The following BMP7 variants were observed in gnomAD, a reference collection of about 807,000 sequenced individuals.
BMP7 encodes the protein osteogenic protein 1.
A neutral mutation model predicts 41.2 loss-of-function variants in BMP7; 12 were observed. That is an observed-to-expected ratio of 0.29 (90% CI 0.19 to 0.47). The LOEUF (loss-of-function observed/expected upper bound fraction) is 0.47, where lower values mean the gene tolerates loss of function less well. Ranked by LOEUF, BMP7 falls within the 20% of genes least tolerant of loss-of-function variation. The pLI, the probability that BMP7 is intolerant of heterozygous loss-of-function variation, is 0.99. For synonymous variants in BMP7, 248 were observed against 250.0 expected (o/e 0.99, Z 0.07); for missense variants, 467 against 606.0 (o/e 0.77, Z 2.41).
intron 1 of BMP7, among the ~76,000 whole-genome samples, chr20:57,236,428 G>A (rs931269912): frequency 6.6e-6 from 1 of 152,220 alleles, no homozygotes; most frequent in African/African-American, 2.4e-5. Flanking sequence ...TGGAAAAAGA[G>A]GTTTAGATAA....
intron 5 of BMP7, 197 bp from the exon 6 acceptor site, chr20:57,173,507 G>A: frequency 1.5e-6 from 1 of 657,414 alleles, no homozygotes; most frequent in East Asian, 2.7e-5. Flanking sequence ...AGAATGGAAA[G>A]AAGGACCACT....
At chr20:57,229,483 G>A (rs1433313536) in intron 1 of BMP7, among the ~76,000 whole-genome samples, 1 of 152,192 alleles carries the variant, frequency 6.6e-6, no homozygotes, top group African/African-American at 2.4e-5. Context: ...GCCCAGGAAT[G>A]GTGTTTCTGG....
chr20:57,181,462 C>T (rs1214624533), intron 4 of BMP7, among the ~76,000 whole-genome samples: 1 of 146,874 alleles, frequency 6.8e-6, no homozygotes, highest in South Asian at 2.1e-4. Flanking sequence ...CACCACTGCA[C>T]GCCAGCCTGG....
At position 57,212,808 on chromosome 20, in the gene BMP7, C is replaced by G. The variant is rs930052802; in HGVS notation, c.612-10185G>C. 1.2e-4 allele frequency among the ~76,000 whole-genome samples: 18 copies of G among 152,314 alleles called. 1 individual carries two copies. The highest frequency in any genetic ancestry group is 7.8e-4 in the Admixed American group (12 of 15,310). Reference sequence around the variant, plus strand: ...AGCCCAGAAGGAAGCCGGCCCCACCCTGGCAGCCAGCTCCCGGGTCCAAGG... The same window carrying G: ...AGCCCAGAAGGAAGCCGGCCCCACCGTGGCAGCCAGCTCCCGGGTCCAAGG... On this transcript the variant is annotated intron_variant, in intron 2 of 6. Coordinates refer to ENST00000395863, the MANE Select transcript of BMP7 (RefSeq NM_001719.3).
At chr20:57,197,418 C>T (rs1984518209) in intron 3 of BMP7, among the ~76,000 whole-genome samples, 1 of 152,252 alleles carries the variant, frequency 6.6e-6, no homozygotes. Context: ...CAGGCTGGGT[C>T]CCCTGCAGGG....
intron 1 of BMP7, among the ~76,000 whole-genome samples, chr20:57,255,939 C>A (rs1210035611): frequency 6.6e-6 from 1 of 152,018 alleles, no homozygotes; most frequent in Non-Finnish European, 1.5e-5. Flanking sequence ...GAAACACCAG[C>A]AGTCACCTCA....
intron 4 of BMP7, among the ~76,000 whole-genome samples, chr20:57,175,574 C>T (rs954489430): frequency 6.6e-6 from 1 of 152,182 alleles, no homozygotes; most frequent in Admixed American, 6.5e-5. Flanking sequence ...CCCGAGGTTT[C>T]TTTGAGTAGT....
chr20:57,201,405 T>A (rs928976455), intron 3 of BMP7, among the ~76,000 whole-genome samples: 8 of 151,820 alleles, frequency 5.3e-5, no homozygotes, highest in Non-Finnish European at 2.9e-5. Flanking sequence ...CCGAGATAAG[T>A]CAGCTGGAGA....
intron 2 of BMP7, among the ~76,000 whole-genome samples, chr20:57,217,587 T>C (rs1349075333): frequency 4.6e-5 from 7 of 152,134 alleles, no homozygotes; most frequent in Non-Finnish European, 1.0e-4. Flanking sequence ...GGGGCTGAGA[T>C]AGACGGAGCG....
intron 2 of BMP7, among the ~76,000 whole-genome samples, chr20:57,217,289 G>T (rs1025696579): frequency 6.6e-6 from 1 of 152,176 alleles, no homozygotes; most frequent in African/African-American, 2.4e-5. Context: ...TGCTATTGAG[G>T]ACACCTCAAG....
At chr20:57,176,717 T>G (rs1983929330) in intron 4 of BMP7, among the ~76,000 whole-genome samples, 1 of 148,304 alleles carries the variant, frequency 6.7e-6, no homozygotes, top group African/African-American at 2.5e-5. Flanking sequence ...AGCCCACTTG[T>G]TAGGGAAATT....
chr20:57,246,700 G>T (rs528777960), intron 1 of BMP7, among the ~76,000 whole-genome samples: 49 of 152,098 alleles, frequency 3.2e-4, no homozygotes, highest in Non-Finnish European at 6.2e-4. Context: ...ATTAACTAAA[G>T]AGGACAGGCT....
intron 1 of BMP7, chr20:57,244,131 T>G (rs958413181): frequency 6.6e-6 from 1 of 152,232 alleles, no homozygotes; most frequent in South Asian, 2.1e-4. Flanking sequence ...GCGAGCTTAT[T>G]ACAGCACAGG....
chr20:57,197,971 A>T (rs2123084201), intron 3 of BMP7, among the ~76,000 whole-genome samples: 1 of 152,296 alleles, frequency 6.6e-6, no homozygotes, highest in African/African-American at 2.4e-5. Flanking sequence ...CCTGGCTTGT[A>T]GGGAGGGTTC....
chr20:57,175,259 C>T (rs546249439), intron 4 of BMP7, among the ~76,000 whole-genome samples: 1 of 152,338 alleles, frequency 6.6e-6, no homozygotes, highest in African/African-American at 2.4e-5. Context: ...TCCCATAATA[C>T]TTTCTGGAAC....
At chr20:57,187,473 T>C (rs1887058) in intron 3 of BMP7, among the ~76,000 whole-genome samples, 145,715 of 152,122 alleles carry the variant, frequency 0.96, 70,122 homozygotes, top group East Asian at 1. Flanking sequence ...ATGACCCATT[T>C]TGGCCAATAA....
intron 1 of BMP7, among the ~76,000 whole-genome samples, chr20:57,236,762 A>AT (rs1193492734): frequency 4.8e-4 from 56 of 115,920 alleles, no homozygotes; most frequent in East Asian, 4.7e-4. Flanking sequence ...ACAGCCATGC[A>AT]TAAAAAAAAA....
At chr20:57,246,988 CA>C (rs10625549) in intron 1 of BMP7, among the ~76,000 whole-genome samples, 3 of 150,856 alleles carry the variant, frequency 2.0e-5, no homozygotes, top group East Asian at 1.9e-4. Flanking sequence ...GACTCCATCT[CA>C]AAAAAAAACC....
intron 1 of BMP7, among the ~76,000 whole-genome samples, chr20:57,237,912 G>A (rs557646986): frequency 2.0e-5 from 3 of 152,300 alleles, no homozygotes; most frequent in South Asian, 4.1e-4. Context: ...CCTAAGCCAG[G>A]TAAACAGCCA....
Sources: allele counts gnomAD v4.1 joint callset (sites outside exome capture counted in the v4.1 genomes callset), GRCh38; gene constraint gnomAD v4.1.1; transcripts MANE v1.5; gene names NCBI Gene and HGNC (gene_info 2026-07-23, HGNC 2026-07-21).